Variants in PXMP2 observed in about 807,000 individuals in gnomAD.
PXMP2 encodes 22 kDa peroxisomal membrane protein.
PXMP2 carries 13 observed loss-of-function variants against 20.2 expected under a neutral mutation model. The ratio of observed to expected loss-of-function variants is 0.64; its 90% CI spans 0.42 to 1.02. The LOEUF (loss-of-function observed/expected upper bound fraction) is 1.02. Ranked by LOEUF, PXMP2 falls within the 50% of genes least tolerant of loss-of-function variation. The pLI, the probability that PXMP2 is intolerant of heterozygous loss-of-function variation, is 0.00. For synonymous variants in PXMP2, 113 were observed against 111.2 expected, an observed-to-expected ratio of 1.02 and a Z score of -0.10; for missense variants, 284 against 251.8, an observed-to-expected ratio of 1.13 and a Z score of -0.87.
intron 1 of PXMP2, among the ~76,000 whole-genome samples, chr12:132,689,724 C>T (rs746004306): frequency 6.6e-5 from 10 of 152,200 alleles, no homozygotes; most frequent in Non-Finnish European, 1.5e-4. Context: ...GATTCACAAA[C>T]AGTTACAAGA....
rs750282266 is a variant in PXMP2, at chr12:132,690,392, G to C, written c.236+16G>C. On this transcript the variant is annotated intron_variant, in intron 2 of 4. Transcript: ENST00000317479. Reference sequence around the variant, plus strand: ...CCGTTTACGGGTGAGTGCCATACAAGGGGTGGGTTTACCTTGTAGCCGCTG... The same window carrying C: ...CCGTTTACGGGTGAGTGCCATACAACGGGTGGGTTTACCTTGTAGCCGCTG... The C allele has an allele frequency of 3.2e-5, 52 of 1,601,758 alleles. No individual in the cohort carries two copies. The highest frequency in any genetic ancestry group is 4.1e-5 in the Non-Finnish European group (48 of 1,169,478).
chr12:132,694,429 TA>T (rs1410619388), intron 2 of PXMP2, among the ~76,000 whole-genome samples: 10 of 86,330 alleles, frequency 1.2e-4, no homozygotes, highest in Admixed American at 1.1e-4. Context: ...TGAGCTCCCT[TA>T]GCCAGTTAGT....
intron 2 of PXMP2, among the ~76,000 whole-genome samples, chr12:132,694,765 T>TTAGA (rs1565991532): frequency 7.6e-6 from 1 of 131,596 alleles, no homozygotes; most frequent in African/African-American, 2.8e-5. Context: ...AGTCAGTTAG[T>TTAGA]GAGTGCCCTT....
rs544795992 is a variant in PXMP2, at chr12:132,700,848, C to CTTT, written c.400-389_400-387dup. ...CATTTAGAATGAACTTACTGGAGTC[C>CTTT]TTTTTTTTTTTTTTTCATAACTCCT... On this transcript the variant is annotated intron_variant, in intron 3 of 4. Transcript: ENST00000317479. Among the ~76,000 whole-genome samples the CTTT allele has an allele frequency of 1.8e-3, 250 of 140,072 alleles. 1 individual carries two copies. Among genetic ancestry groups the CTTT allele is most frequent in the African/African-American group, 5.4e-3 (205 of 37,624 alleles). The allele number at this position is 140,072 out of a possible 152,430, so 91.9% of individuals were successfully genotyped here.
intron 2 of PXMP2, among the ~76,000 whole-genome samples, chr12:132,690,583 T>G (rs1476389147): frequency 6.6e-6 from 1 of 152,210 alleles, no homozygotes; most frequent in African/African-American, 2.4e-5. Context: ...TTTTTCTTTT[T>G]TTTTGGAGAC....
rs137986355 is a variant in PXMP2, at chr12:132,690,734, A to G, written c.236+358A>G. Among the ~76,000 whole-genome samples the G allele has an allele frequency of 4.5e-3, 692 of 152,214 alleles. 6 individuals carry two copies. Among genetic ancestry groups the G allele is most frequent in the African/African-American group, 0.016 (644 of 41,532 alleles). ...CTAATTTTTGTTATTTTTAGTAGAG[A>G]TGGGGTTTCACCATGTTGGCCAGGC... On this transcript the variant is annotated intron_variant, in intron 2 of 4. Transcript: ENST00000317479.
At chr12:132,701,191 C>T (rs754477906) in intron 3 of PXMP2, 59 bp from the exon 4 acceptor site, 11 of 1,605,824 alleles carry the variant, frequency 6.9e-6, no homozygotes, top group South Asian at 1.1e-5. Flanking sequence ...TCTGGGTGCC[C>T]GGAATTCAGT....
Position 132,704,918 on chromosome 12 carries a change from C to A in PXMP2, c.*231C>A. ...CTGCCCCAGAAACTTAAAATTTAGT[C>A]GAGGCAGTTTCAATTGTTACTGTGG... On this transcript the variant is annotated 3_prime_UTR_variant, in exon 5 of 5. Coordinates refer to ENST00000317479, the MANE Select transcript of PXMP2 (RefSeq NM_018663.3). 1.8e-6 allele frequency: 1 copy of A among 541,974 alleles called. No homozygotes were observed. Among genetic ancestry groups the A allele is most frequent in the South Asian group, 2.4e-5 (1 of 41,070 alleles). The allele number at this position is 541,974 out of a possible 1,614,324, so 33.6% of individuals were successfully genotyped here. A position where few individuals can be genotyped will look rare whatever the true frequency, so the allele number is the denominator to read the frequency against.
At chr12:132,697,762 A>G (rs963015677) in intron 3 of PXMP2, among the ~76,000 whole-genome samples, 3 of 151,936 alleles carry the variant, frequency 2.0e-5, no homozygotes, top group African/African-American at 7.3e-5. Context: ...AGGCTTCACT[A>G]AACTGCCAAA....
At chr12:132,697,334 A>C (rs1302657880) in intron 3 of PXMP2, among the ~76,000 whole-genome samples, 2 of 151,148 alleles carry the variant, frequency 1.3e-5, no homozygotes, top group Non-Finnish European at 1.5e-5. Flanking sequence ...GTCTGTCAAA[A>C]TTTTTTCTGA....
At chr12:132,698,495 T>TA (rs1168069172) in intron 3 of PXMP2, among the ~76,000 whole-genome samples, 6 of 152,372 alleles carry the variant, frequency 3.9e-5, no homozygotes, top group African/African-American at 1.4e-4. Flanking sequence ...CAGTAGGAGA[T>TA]AGACTTCTGT....
At chr12:132,692,035 TGCCAGTTAGTGAGCTCCCTG>T (rs1267098596) in intron 2 of PXMP2, among the ~76,000 whole-genome samples, 1,709 of 105,498 alleles carry the variant, frequency 0.016, 9 homozygotes, top group Non-Finnish European at 0.029. Context: ...TGAGCTCCCT[TGCCAGTTAGTGAGCTCCCTG>T]AGCCAGTTAG....
At chr12:132,692,933 TAGTGAGCGCCCTTGCC>T (rs2043380556) in intron 2 of PXMP2, among the ~76,000 whole-genome samples, 1 of 100,002 alleles carries the variant, frequency 1.0e-5, no homozygotes, top group African/African-American at 3.4e-5. Context: ...CCTTGCCAGT[TAGTGAGCGCCCTTGCC>T]AGTTAGTTAG....
chr12:132,702,943 G>A (rs2043451019), intron 4 of PXMP2, among the ~76,000 whole-genome samples: 1 of 152,224 alleles, frequency 6.6e-6, no homozygotes, highest in Non-Finnish European at 1.5e-5. Flanking sequence ...GGAAACCAGG[G>A]GTGCACACAG....
Position 132,695,918 on chromosome 12 carries a change from T to G in PXMP2, c.271T>G (p.Tyr91Asp), listed in dbSNP as rs2043407679. The change falls in exon 3 of 5, where the codon TAC becomes GAC. Residue 91 changes from tyrosine (Y) to aspartate (D), a missense_variant. Coordinates refer to ENST00000317479, the MANE Select transcript of PXMP2 (RefSeq NM_018663.3). Reference protein sequence around the residue: ...FFTGPLSHFFYFFMEHWIPPE... With the variant: ...FFTGPLSHFFDFFMEHWIPPE... Reference sequence around the variant, plus strand: ...CACAGGGCCGCTGAGTCACTTCTTCTACTTCTTCATGGAACATTGGATCCC... The same window carrying G: ...CACAGGGCCGCTGAGTCACTTCTTCGACTTCTTCATGGAACATTGGATCCC... 1 of 1,609,548 alleles carries G rather than the reference T, an allele frequency of 6.2e-7. No individual in the cohort carries two copies. The highest frequency in any genetic ancestry group is 8.5e-7 in the Non-Finnish European group (1 of 1,178,036).
At position 132,704,641 on chromosome 12, in the gene PXMP2, T is replaced by A; in HGVS notation, c.542T>A (p.Leu181Gln). ...CAGTTCCGGGTGCTCTTCGCCAACC[T>A]GGCAGCTCTGTTCTGGTATGCCTAC... ...PLKFRVLFANLAALFWYAYLA... is the reference protein window; with the variant it reads ...PLKFRVLFANQAALFWYAYLA... The change falls in exon 5 of 5, where the codon CTG (leucine) becomes CAG (glutamine). Residue 181 changes from leucine to glutamine, a missense_variant. Physicochemically the swap from Leu to Gln is moderately radical, Grantham distance 113. Transcript: ENST00000317479. 6.8e-7 allele frequency: 1 copy of A among 1,476,514 alleles called. No homozygotes were observed. The highest frequency in any genetic ancestry group is 1.4e-5 in the African/African-American group (1 of 69,834). The allele number at this position is 1,476,514 out of a possible 1,614,324, so 91.5% of individuals were successfully genotyped here.
chr12:132,690,148 C>A, intron 1 of PXMP2, 115 bp from the exon 2 acceptor site: 1 of 765,722 alleles, frequency 1.3e-6, no homozygotes, highest in East Asian at 2.5e-5. Flanking sequence ...AACAAGAATT[C>A]CTACCCCCCG....
intron 1 of PXMP2, chr12:132,688,013 C>T: frequency 3.3e-6 from 1 of 299,236 alleles, no homozygotes; most frequent in Non-Finnish European, 5.3e-6. Context: ...CCTCCCAGCG[C>T]GTGGAGGGCC....
At chr12:132,687,913 G>A (rs2043318330) in intron 1 of PXMP2, 121 bp downstream of exon 1, 2 of 970,550 alleles carry the variant, frequency 2.1e-6, no homozygotes, top group Non-Finnish European at 2.5e-6. Context: ...CAGAACCCCC[G>A]GAGCGGGCGC....
Sources: allele counts gnomAD v4.1 joint callset (sites outside exome capture counted in the v4.1 genomes callset), GRCh38; gene constraint gnomAD v4.1.1; transcripts MANE v1.5; gene names NCBI Gene and HGNC (gene_info 2026-07-23, HGNC 2026-07-21).